ERC2: variants seen among roughly 807,000 people sequenced by gnomAD.
ERC2 encodes ERC protein 2.
A neutral mutation model predicts 114.8 loss-of-function variants in ERC2; 42 were observed. That is an observed-to-expected ratio of 0.37 (90% CI 0.29 to 0.47). ERC2 has a LOEUF of 0.47. Among genes scored for constraint, ERC2 ranks in the 20% least tolerant of loss-of-function variants. The pLI is 0.99. For synonymous variants in ERC2, 454 were observed against 425.5 expected (o/e 1.07, Z -0.82); for missense variants, 939 against 1,150.7 (o/e 0.82, Z 2.66).
chr3:55,707,870 G>A (rs1158727707), intron 15 of ERC2, among the ~76,000 whole-genome samples: 1 of 152,186 alleles, frequency 6.6e-6, no homozygotes, highest in African/African-American at 2.4e-5. Context: ...CTTGGTTGAA[G>A]CTTCTTATTA....
chr3:55,583,618 G>A (rs913227418), intron 17 of ERC2, among the ~76,000 whole-genome samples: 2 of 145,836 alleles, frequency 1.4e-5, no homozygotes, highest in Non-Finnish European at 3.0e-5. Context: ...TGCACTGGAC[G>A]GTATCAGCTT....
intron 17 of ERC2, among the ~76,000 whole-genome samples, chr3:55,587,758 A>G (rs1398202445): frequency 1.3e-5 from 2 of 152,218 alleles, no homozygotes; most frequent in African/African-American, 2.4e-5. Flanking sequence ...AATACTATTC[A>G]GCGGTTTTTG....
chr3:55,686,059 G>A (rs2148785863), intron 16 of ERC2, among the ~76,000 whole-genome samples: 1 of 152,262 alleles, frequency 6.6e-6, no homozygotes, highest in East Asian at 1.9e-4. Flanking sequence ...ATTAAAAAGT[G>A]GTAATTAATT....
chr3:55,529,589 C>A (rs1034277399), intron 17 of ERC2, among the ~76,000 whole-genome samples: 1 of 152,130 alleles, frequency 6.6e-6, no homozygotes, highest in Non-Finnish European at 1.5e-5. Context: ...TTTATAATCA[C>A]CCTGAAAAAA....
intron 17 of ERC2, among the ~76,000 whole-genome samples, chr3:55,672,161 G>T (rs569648425): frequency 6.6e-6 from 1 of 152,064 alleles, no homozygotes; most frequent in South Asian, 2.1e-4. Context: ...AACATGGCAA[G>T]ATGCCATCTC....
chr3:56,089,586 C>CT lies in ERC2; in HGVS notation c.1474-8603dup, dbSNP rs3052550. On this transcript the variant is annotated intron_variant, in intron 6 of 17. Coordinates refer to ENST00000288221, the MANE Select transcript of ERC2 (RefSeq NM_015576.3). The stretch of plus-strand genomic sequence containing the variant: ...TTTTTGTATTGTCTTCAAAATCTAG[C>CT]TTTTTTTTAATACTTTTAGCACATC... 7.1e-4 allele frequency among the ~76,000 whole-genome samples: 108 copies of CT among 151,658 alleles called. 1 individual carries two copies. The East Asian group carries it at 0.013, about 18-fold the overall frequency.
intron 2 of ERC2, among the ~76,000 whole-genome samples, chr3:56,420,729 CAA>C (rs758867501): frequency 5.7e-5 from 7 of 122,490 alleles, no homozygotes; most frequent in Admixed American, 8.2e-5. Flanking sequence ...ACTAAAAATA[CAA>C]AAAAAAAAAA....
At position 55,881,853 on chromosome 3, in the gene ERC2, ATATTT is replaced by A. The variant is rs2063130973; in HGVS notation, c.2564+6531_2564+6535del. 2.0e-5 allele frequency among the ~76,000 whole-genome samples: 3 copies of A among 152,380 alleles called. No homozygotes were observed. The South Asian group carries it at 6.2e-4, about 32-fold the overall frequency. On this transcript the variant is annotated intron_variant, in intron 14 of 17. Coordinates refer to ENST00000288221, the MANE Select transcript of ERC2 (RefSeq NM_015576.3). ...AATGTTTTAGCAAGAAGTTTTGGAT[ATATTT>A]TAAGTACAAGAATAATCTTATACAC...
chr3:56,297,252 T>A (rs1186628872), intron 2 of ERC2, among the ~76,000 whole-genome samples: 1 of 151,722 alleles, frequency 6.6e-6, no homozygotes, highest in Non-Finnish European at 1.5e-5. Context: ...AAAATTCTAA[T>A]TACAGCAAAG....
At chr3:55,767,040 T>A (rs960808957) in intron 14 of ERC2, among the ~76,000 whole-genome samples, 1 of 150,868 alleles carries the variant, frequency 6.6e-6, no homozygotes, top group African/African-American at 2.5e-5. Context: ...GAGTGCTTAC[T>A]GTGTGCCAGG....
At chr3:56,094,315 C>G (rs1014036021) in intron 6 of ERC2, among the ~76,000 whole-genome samples, 8 of 152,130 alleles carry the variant, frequency 5.3e-5, no homozygotes, top group Non-Finnish European at 1.0e-4. Flanking sequence ...TTAGGTGGTG[C>G]AGGAGGCTCC....
At chr3:55,926,917 AAAGTAACTGCCTTC>A (rs1481249273) in intron 13 of ERC2, among the ~76,000 whole-genome samples, 1 of 152,228 alleles carries the variant, frequency 6.6e-6, no homozygotes, top group Non-Finnish European at 1.5e-5. Flanking sequence ...AAATATTTTT[AAAGTAACTGCCTTC>A]AAGTAACTTC....
At chr3:56,199,015 G>T (rs1301591176) in intron 3 of ERC2, among the ~76,000 whole-genome samples, 2 of 152,148 alleles carry the variant, frequency 1.3e-5, no homozygotes, top group Non-Finnish European at 2.9e-5. Flanking sequence ...CATTCAACAG[G>T]TATTTATTGA....
At chr3:55,724,616 C>T (rs576700655) in intron 15 of ERC2, among the ~76,000 whole-genome samples, 1 of 152,212 alleles carries the variant, frequency 6.6e-6, no homozygotes, top group Non-Finnish European at 1.5e-5. Context: ...TTTAAAATCC[C>T]TAGCCCAATG....
intron 17 of ERC2, among the ~76,000 whole-genome samples, chr3:55,558,554 G>A (rs933258324): frequency 6.6e-6 from 1 of 152,184 alleles, no homozygotes. Flanking sequence ...AGTAAATGTG[G>A]CCAGCCAACC....
chr3:55,727,535 A>C (rs1457537515), intron 15 of ERC2, among the ~76,000 whole-genome samples: 1 of 152,212 alleles, frequency 6.6e-6, no homozygotes, highest in African/African-American at 2.4e-5. Context: ...GCCTAGAACT[A>C]ACCCAAATGT....
intron 2 of ERC2, among the ~76,000 whole-genome samples, chr3:56,367,369 A>ACACTC (rs2059189845): frequency 6.6e-6 from 1 of 151,882 alleles, no homozygotes; most frequent in African/African-American, 2.4e-5. Context: ...AACTAGATTC[A>ACACTC]TTTCCCTAGT....
chr3:55,580,665 T>C (rs372068261), intron 17 of ERC2, among the ~76,000 whole-genome samples: 42 of 152,328 alleles, frequency 2.8e-4, no homozygotes, highest in Middle Eastern at 6.8e-3. Flanking sequence ...ACTTCATATA[T>C]ACACATGGTC....
chr3:55,973,714 C>G (rs1158588083), intron 12 of ERC2, among the ~76,000 whole-genome samples: 1 of 152,186 alleles, frequency 6.6e-6, no homozygotes, highest in Non-Finnish European at 1.5e-5. Context: ...GTGTTTTGCA[C>G]AGACACTGGC....
Sources: gnomAD v4.1 joint callset for allele counts (sites outside exome capture counted in the v4.1 genomes callset) on GRCh38, gnomAD v4.1.1 for gene constraint, MANE v1.5 for transcripts, NCBI Gene and HGNC (gene_info 2026-07-23, HGNC 2026-07-21) for gene names.